The following STOML1 variants were observed in gnomAD, a reference collection of about 807,000 sequenced individuals.
STOML1 encodes the protein stomatin-like protein 1.
A neutral mutation model predicts 35.7 loss-of-function variants in STOML1; 27 were observed. That is an observed-to-expected ratio of 0.76 (90% CI 0.56 to 1.04). The LOEUF (loss-of-function observed/expected upper bound fraction) is 1.04, where lower values mean the gene tolerates loss of function less well. STOML1 is among the 50% of genes least tolerant of loss of function. STOML1 has a pLI of 0.00. For synonymous variants in STOML1, 219 were observed against 227.9 expected, an observed-to-expected ratio of 0.96 and a Z score of 0.35; for missense variants, 451 against 527.1, an observed-to-expected ratio of 0.86 and a Z score of 1.41.
intron 1 of STOML1, among the ~76,000 whole-genome samples, chr15:73,991,279 C>G (rs1387005933): frequency 6.6e-6 from 1 of 152,218 alleles, no homozygotes; most frequent in Non-Finnish European, 1.5e-5. Flanking sequence ...AAGTTGGGAG[C>G]AAAGCCGAGA....
At chr15:73,994,511 G>T (rs1276485359), upstream of STOML1, 1 of 492,878 alleles carries the variant, frequency 2.0e-6, no homozygotes. Flanking sequence ...CGGGAGCAGG[G>T]CTGCCCCCCT....
Position 73,990,470 on chromosome 15 carries a change from G to T in STOML1, c.134-13C>A, listed in dbSNP as rs1195113925. On this transcript the variant is annotated splice_polypyrimidine_tract_variant and intron_variant, in intron 1 of 6. Coordinates refer to ENST00000541638, the MANE Select transcript of STOML1 (RefSeq NM_004809.5). ...CTCTGGGGTACATCTGCAGGTGAGA[G>T]CAGAGGTGGTCAACTGGACCTGCAC... The T allele has an allele frequency of 5.6e-6, 9 of 1,594,884 alleles. No homozygotes were observed. Among genetic ancestry groups the T allele is most frequent in the Admixed American group, 1.7e-5 (1 of 58,344 alleles).
Position 73,982,962 on chromosome 15 carries a change from C to T in STOML1, c.*975G>A, listed in dbSNP as rs1255672198. ...CACCTGCCCCTCAGTGTTTGCAGGACACTCTGGCACACTCATGCCTTCCTT... is the reference window on the plus strand; with the variant it reads ...CACCTGCCCCTCAGTGTTTGCAGGATACTCTGGCACACTCATGCCTTCCTT... On this transcript the variant is annotated 3_prime_UTR_variant, in exon 7 of 7. Coordinates refer to ENST00000541638, the MANE Select transcript of STOML1 (RefSeq NM_004809.5). The T allele has an allele frequency of 6.6e-6, 1 of 152,242 alleles. No homozygotes were observed. The highest frequency in any genetic ancestry group is 2.4e-5 in the African/African-American group (1 of 41,428). 9.4% of individuals were successfully genotyped at this position (152,242 alleles called of 1,614,324 possible).
intron 3 of STOML1, 68 bp downstream of exon 3, chr15:73,989,040 C>G: frequency 1.3e-6 from 2 of 1,518,694 alleles, no homozygotes; most frequent in Non-Finnish European, 1.8e-6. Context: ...AGGCTGAGGT[C>G]CTGGCACCAC....
chr15:73,991,937 G>T, intron 1 of STOML1, 154 bp downstream of exon 1: 1 of 1,220,536 alleles, frequency 8.2e-7, no homozygotes, highest in Non-Finnish European at 1.1e-6. Flanking sequence ...ACCAGGCGCC[G>T]GGTCCAGCCC....
upstream of STOML1, among the ~76,000 whole-genome samples, chr15:73,993,189 C>A (rs185313180): frequency 7.4e-4 from 113 of 152,326 alleles, no homozygotes; most frequent in Middle Eastern, 3.4e-3. Flanking sequence ...AGGTGAGGCC[C>A]TCAGTCCTGC....
intron 1 of STOML1, 138 bp from the exon 2 acceptor site, chr15:73,990,595 C>A (rs1199141163): frequency 2.2e-6 from 2 of 918,634 alleles, no homozygotes. Flanking sequence ...TGGCTCCTTG[C>A]CTAATATTCC....
rs774742743 is a variant in STOML1, at chr15:73,983,775, G to A, written c.*162C>T. Reference sequence around the variant, plus strand: ...TGTAGGGGAGACGTGCATGGCAGCCGGACTCAGCCTCCTGCAGCCTCCATT... The same window carrying A: ...TGTAGGGGAGACGTGCATGGCAGCCAGACTCAGCCTCCTGCAGCCTCCATT... On this transcript the variant is annotated 3_prime_UTR_variant, in exon 7 of 7. Transcript: ENST00000541638. The A allele has an allele frequency of 5.6e-5, 42 of 755,480 alleles. No homozygotes were observed. The highest frequency in any genetic ancestry group is 7.7e-5 in the Non-Finnish European group (37 of 478,094). The allele number at this position is 755,480 out of a possible 1,614,324, so 46.8% of individuals were successfully genotyped here.
Position 73,981,253 on chromosome 15 carries a change from G to A in STOML1, c.*2684C>T, listed in dbSNP as rs2068956684. 6.6e-6 allele frequency: 1 copy of A among 152,146 alleles called. No homozygotes were observed. The highest frequency in any genetic ancestry group is 1.5e-5 in the Non-Finnish European group (1 of 68,054). The allele number at this position is 152,146 out of a possible 1,614,324, so 9.4% of individuals were successfully genotyped here. A position where few individuals can be genotyped will look rare whatever the true frequency, so the allele number is the denominator to read the frequency against. On this transcript the variant is annotated 3_prime_UTR_variant, in exon 7 of 7. Transcript: ENST00000541638. ...CGCCTATAATCCTGGCTACTCAGGT[G>A]TCTGAGGCAGGAGAATCACTTGAAT...
At chr15:73,992,410 T>C, upstream of STOML1, 1 of 571,764 alleles carries the variant, frequency 1.7e-6, no homozygotes, top group Non-Finnish European at 2.6e-6. Flanking sequence ...CCCCCTGCGC[T>C]GGGAGGACCG....
In STOML1 at chr15:73,980,607, A is replaced by T. The variant is rs1226631053; in HGVS notation, c.*3330T>A. ...TACATATTTGGATTTTCTTGCATAT[A>T]TTTTTTTTTAAAAAACAAAACCTTC... On this transcript the variant is annotated 3_prime_UTR_variant, in exon 7 of 7. Transcript: ENST00000541638. The T allele has an allele frequency of 4.6e-5, 7 of 151,884 alleles. No individual in the cohort carries two copies. The highest frequency in any genetic ancestry group is 1.0e-4 in the Non-Finnish European group (7 of 67,928). The allele number at this position is 151,884 out of a possible 1,614,324, so 9.4% of individuals were successfully genotyped here. A position where few individuals can be genotyped will look rare whatever the true frequency, so the allele number is the denominator to read the frequency against.
rs1267597111 is a variant in STOML1, at chr15:73,979,630, G to A, written c.*4307C>T. On this transcript the variant is annotated 3_prime_UTR_variant, in exon 7 of 7. Coordinates refer to ENST00000541638, the MANE Select transcript of STOML1 (RefSeq NM_004809.5). ...GCCTCCCAAAGTGCTGGGATTAGAG[G>A]CGCAAGCCAGCCAAATAATACATTT... The A allele has an allele frequency of 6.6e-6, 1 of 152,270 alleles. No homozygotes were observed. The highest frequency in any genetic ancestry group is 2.4e-5 in the African/African-American group (1 of 41,446). The allele number at this position is 152,270 out of a possible 1,614,324, so 9.4% of individuals were successfully genotyped here.
chr15:73,990,237 C>T (rs2069226940), intron 2 of STOML1, 114 bp downstream of exon 2: 5 of 905,118 alleles, frequency 5.5e-6, no homozygotes, highest in Non-Finnish European at 6.9e-6. Flanking sequence ...GCCCATTACA[C>T]AAAGGGGTAA....
At chr15:73,984,485 G>A (rs564918793) in intron 6 of STOML1, among the ~76,000 whole-genome samples, 174 bp downstream of exon 6, 24 of 152,340 alleles carry the variant, frequency 1.6e-4, no homozygotes, top group Non-Finnish European at 3.5e-4. Context: ...TGCGGATGGC[G>A]GGGAGACCAG....
chr15:73,991,472 G>A (rs1266132946), intron 1 of STOML1, among the ~76,000 whole-genome samples: 1 of 152,252 alleles, frequency 6.6e-6, no homozygotes, highest in East Asian at 1.9e-4. Context: ...TTCTGGATAG[G>A]GAGAGCTTTC....
intron 2 of STOML1, 125 bp from the exon 3 acceptor site, chr15:73,989,382 G>A (rs754302332): frequency 8.7e-7 from 1 of 1,155,292 alleles, no homozygotes; most frequent in Non-Finnish European, 1.1e-6. Context: ...CCCTAGCACT[G>A]TTTCCAGATG....
rs962410184 is a variant in STOML1, at chr15:73,982,130, T to G, written c.*1807A>C. The G allele has an allele frequency of 1.3e-5, 2 of 152,174 alleles. No homozygotes were observed. Among genetic ancestry groups the G allele is most frequent in the Non-Finnish European group, 2.9e-5 (2 of 68,110 alleles). 9.4% of individuals were successfully genotyped at this position (152,174 alleles called of 1,614,324 possible). On this transcript the variant is annotated 3_prime_UTR_variant, in exon 7 of 7. Coordinates refer to ENST00000541638, the MANE Select transcript of STOML1 (RefSeq NM_004809.5). Reference sequence around the variant, plus strand: ...CCCTTCATATACTGTGTAATAGCAATGGAAGGAATCCACAGGTGAATGCTG... The same window carrying G: ...CCCTTCATATACTGTGTAATAGCAAGGGAAGGAATCCACAGGTGAATGCTG...
chr15:73,986,798 A>G, intron 4 of STOML1: 1 of 153,068 alleles, frequency 6.5e-6, no homozygotes, highest in Non-Finnish European at 1.5e-5. Flanking sequence ...AGGGGCTGGG[A>G]GCATGGATGA....
In STOML1 at chr15:73,983,004, T is replaced by A. The variant is rs2068979811; in HGVS notation, c.*933A>T. On this transcript the variant is annotated 3_prime_UTR_variant, in exon 7 of 7. Coordinates refer to ENST00000541638, the MANE Select transcript of STOML1 (RefSeq NM_004809.5). ...GCCTTCCTTTCCTGGTGAACCTGTA[T>A]CCCACTACAAAGAGGAACAGAACTC... The A allele has an allele frequency of 6.6e-6, 1 of 152,192 alleles. No individual in the cohort carries two copies. Among genetic ancestry groups the A allele is most frequent in the Non-Finnish European group, 1.5e-5 (1 of 68,090 alleles). The allele number at this position is 152,192 out of a possible 1,614,324, so 9.4% of individuals were successfully genotyped here.
Sources: allele counts gnomAD v4.1 joint callset (sites outside exome capture counted in the v4.1 genomes callset), GRCh38; gene constraint gnomAD v4.1.1; transcripts MANE v1.5; gene names NCBI Gene and HGNC (gene_info 2026-07-23, HGNC 2026-07-21).